CPNE4: variants seen among roughly 807,000 people sequenced by gnomAD.
CPNE4 encodes copine-4.
Under a neutral mutation model 67.9 loss-of-function variants are expected in CPNE4, and 25 were observed. The observed-to-expected ratio is 0.37, with a 90% CI of 0.27 to 0.51. CPNE4 has a LOEUF of 0.51. Among genes scored for constraint, CPNE4 ranks in the 20% least tolerant of loss-of-function variants. The pLI is 0.93. For synonymous variants in CPNE4, 242 were observed against 244.9 expected, an observed-to-expected ratio of 0.99 and a Z score of 0.11; for missense variants, 464 against 690.8, an observed-to-expected ratio of 0.67 and a Z score of 3.68.
intron 7 of CPNE4, among the ~76,000 whole-genome samples, chr3:131,657,704 T>TGTGTG: frequency 7.1e-6 from 1 of 140,936 alleles, no homozygotes; most frequent in Admixed American, 7.1e-5. Context: ...CCAGCTAATT[T>TGTGTG]TGTGTGTGTG....
At chr3:131,739,003 T>C (rs2082301898) in intron 2 of CPNE4, among the ~76,000 whole-genome samples, 1 of 152,098 alleles carries the variant, frequency 6.6e-6, no homozygotes, top group Non-Finnish European at 1.5e-5. Context: ...TACAGATGCC[T>C]GCCACCACAC....
intron 1 of CPNE4, among the ~76,000 whole-genome samples, chr3:131,946,764 A>G (rs1427448945): frequency 2.0e-5 from 3 of 152,110 alleles, no homozygotes; most frequent in South Asian, 2.1e-4. Context: ...TGTTTAGTTC[A>G]TCATGCTTTT....
chr3:131,954,008 T>A (rs1299711771), intron 1 of CPNE4, among the ~76,000 whole-genome samples: 1 of 152,100 alleles, frequency 6.6e-6, no homozygotes, highest in African/African-American at 2.4e-5. Context: ...ATACACCCCA[T>A]AAATATGTAC....
chr3:131,628,100 G>A (rs375301222), intron 7 of CPNE4, among the ~76,000 whole-genome samples: 1 of 152,106 alleles, frequency 6.6e-6, no homozygotes, highest in Non-Finnish European at 1.5e-5. Context: ...AAGAGTCAAC[G>A]GGGCAAACGT....
chr3:131,581,769 T>C, intron 8 of CPNE4, 104 bp from the exon 9 acceptor site: 2 of 776,782 alleles, frequency 2.6e-6, no homozygotes, highest in Non-Finnish European at 4.6e-6. Flanking sequence ...ACTGGAGGGC[T>C]GACAAATAGT....
At chr3:131,822,495 A>G (rs1159307481) in intron 2 of CPNE4, among the ~76,000 whole-genome samples, 1 of 152,190 alleles carries the variant, frequency 6.6e-6, no homozygotes, top group Non-Finnish European at 1.5e-5. Flanking sequence ...GATTTCATTA[A>G]TTTAACAAGG....
chr3:131,584,967 G>T (rs936576153), intron 8 of CPNE4, among the ~76,000 whole-genome samples: 2 of 152,120 alleles, frequency 1.3e-5, no homozygotes, highest in Admixed American at 6.5e-5. Context: ...TCCTATGAAT[G>T]GTTCTTTCAC....
intron 7 of CPNE4, among the ~76,000 whole-genome samples, chr3:131,603,862 T>C (rs1220160626): frequency 6.6e-6 from 1 of 152,194 alleles, no homozygotes; most frequent in Non-Finnish European, 1.5e-5. Flanking sequence ...AGAATGGCCA[T>C]TACCTTTTTA....
At chr3:131,646,109 A>G (rs1308670767) in intron 7 of CPNE4, among the ~76,000 whole-genome samples, 1 of 152,188 alleles carries the variant, frequency 6.6e-6, no homozygotes, top group East Asian at 1.9e-4. Flanking sequence ...AAACAGAAGG[A>G]AAATAATAGA....
chr3:131,620,516 G>T, intron 7 of CPNE4: 1 of 963,384 alleles, frequency 1.0e-6, no homozygotes. Context: ...CAGAATAATG[G>T]TTCCTCAAGT....
At chr3:131,679,109 G>A (rs1042708809) in intron 6 of CPNE4, among the ~76,000 whole-genome samples, 21 of 152,162 alleles carry the variant, frequency 1.4e-4, no homozygotes, top group African/African-American at 3.4e-4. Flanking sequence ...TTCAAAACTC[G>A]TTATTGGTCT....
chr3:131,779,064 C>T (rs2083365053), intron 2 of CPNE4, among the ~76,000 whole-genome samples: 1 of 151,976 alleles, frequency 6.6e-6, no homozygotes, highest in African/African-American at 2.4e-5. Flanking sequence ...AGAGCCAAAA[C>T]AAGAATGCAA....
At chr3:131,702,506 T>C (rs74346229) in intron 3 of CPNE4, among the ~76,000 whole-genome samples, 18,731 of 152,060 alleles carry the variant, frequency 0.12, 1,229 homozygotes, top group African/African-American at 0.16. Context: ...AGAAAGGCAA[T>C]GTATCCCATT....
At chr3:131,725,072 T>TG (rs539821382) in intron 2 of CPNE4, among the ~76,000 whole-genome samples, 18 of 152,366 alleles carry the variant, frequency 1.2e-4, no homozygotes, top group Admixed American at 5.9e-4. Context: ...TATTGGATGT[T>TG]TTCTGACATT....
intron 2 of CPNE4, among the ~76,000 whole-genome samples, chr3:131,767,510 C>T (rs542806473): frequency 1.6e-4 from 24 of 152,176 alleles, no homozygotes; most frequent in South Asian, 6.2e-4. Context: ...TGGCTCCCTT[C>T]GGCCTGACTA....
intron 1 of CPNE4, among the ~76,000 whole-genome samples, chr3:131,984,143 G>T (rs1022084701): frequency 1.3e-5 from 2 of 152,104 alleles, no homozygotes; most frequent in African/African-American, 4.8e-5. Context: ...TTTCCTTTCA[G>T]TTGAGACTTG....
chr3:131,806,319 G>A (rs982496397), intron 2 of CPNE4, among the ~76,000 whole-genome samples: 1 of 152,164 alleles, frequency 6.6e-6, no homozygotes, highest in Non-Finnish European at 1.5e-5. Context: ...GGGAGCCCGA[G>A]GCGGGTAGAT....
chr3:131,667,176 C>G (rs1160770644), intron 7 of CPNE4, among the ~76,000 whole-genome samples: 2 of 151,928 alleles, frequency 1.3e-5, no homozygotes, highest in Admixed American at 1.3e-4. Context: ...TTCATGGACC[C>G]TAAAAAGTTC....
chr3:131,902,224 CT>C (rs2088581241), intron 2 of CPNE4, among the ~76,000 whole-genome samples: 1 of 152,032 alleles, frequency 6.6e-6, no homozygotes, highest in African/African-American at 2.4e-5. Flanking sequence ...TAGAGTGAGA[CT>C]TTCTAGGTAA....
Sources: allele counts gnomAD v4.1 joint callset (sites outside exome capture counted in the v4.1 genomes callset), GRCh38; gene constraint gnomAD v4.1.1; transcripts MANE v1.5; gene names NCBI Gene and HGNC (gene_info 2026-07-23, HGNC 2026-07-21).